Variants in HIPK2 observed in about 807,000 individuals in gnomAD.
HIPK2 encodes the protein homeodomain interacting protein kinase 2, also known as homeodomain-interacting protein kinase 2.
Under a neutral mutation model 113.7 loss-of-function variants are expected in HIPK2, and 27 were observed. That is an observed-to-expected ratio of 0.24 (90% CI 0.17 to 0.33). HIPK2 has a LOEUF of 0.33. Ranked by LOEUF, HIPK2 falls within the 10% of genes least tolerant of loss-of-function variation. HIPK2 has a pLI of 1.00. For synonymous variants in HIPK2, 631 were observed against 642.2 expected (o/e 0.98, Z 0.26); for missense variants, 1,257 against 1,588.0 (o/e 0.79, Z 3.54).
chr7:139,576,061 C>T (rs1569442182), intron 13 of HIPK2, among the ~76,000 whole-genome samples: 1 of 152,244 alleles, frequency 6.6e-6, no homozygotes, highest in Non-Finnish European at 1.5e-5. Context: ...TTGGTCCCCA[C>T]CATGGGTGAC....
Position 139,683,805 on chromosome 7 carries a change from TACTC to T in HIPK2, c.1103+32123_1103+32126del, listed in dbSNP as rs1259575598. On this transcript the variant is annotated intron_variant, in intron 2 of 14. Coordinates refer to ENST00000406875, the MANE Select transcript of HIPK2 (RefSeq NM_022740.5). The surrounding 1 kb of genome is among the most constrained non-coding windows in gnomAD (Gnocchi z 4.2). ...CTGTATTACACCAACAGTTAGGTCT[TACTC>T]ACTCTCCTGTGGTTTTGAAGGGCTA... 3.3e-5 allele frequency among the ~76,000 whole-genome samples: 5 copies of T among 152,192 alleles called. No homozygotes were observed. Among genetic ancestry groups the T allele is most frequent in the African/African-American group, 7.2e-5 (3 of 41,442 alleles).
At chr7:139,688,818 G>A (rs182228401) in intron 2 of HIPK2, among the ~76,000 whole-genome samples, 12 of 152,130 alleles carry the variant, frequency 7.9e-5, no homozygotes, top group African/African-American at 1.4e-4. Flanking sequence ...ATTATAAGAC[G>A]GATTCTGCCT....
chr7:139,626,822 C>G (rs1348223312), intron 5 of HIPK2, 37 bp from the exon 6 acceptor site: 1 of 1,609,682 alleles, frequency 6.2e-7, no homozygotes, highest in African/African-American at 1.3e-5. Flanking sequence ...AAGGAAGACC[C>G]CAGCGTGCCT....
chr7:139,738,931 G>T (rs527767587), intron 1 of HIPK2, among the ~76,000 whole-genome samples: 2 of 152,224 alleles, frequency 1.3e-5, no homozygotes, highest in South Asian at 4.1e-4. Context: ...TGAATATTGT[G>T]GAGGCCACAG....
At position 139,716,655 on chromosome 7, in the gene HIPK2, T is replaced by C; in HGVS notation, c.380A>G (p.Gln127Arg). Reference sequence around the variant, plus strand: ...GCTCTTACGCTTGAGTCCACATTTTTGGTAGGTATCAAGGAGGCTCACAGT... The same window carrying C: ...GCTCTTACGCTTGAGTCCACATTTTCGGTAGGTATCAAGGAGGCTCACAGT... ...RSTVSLLDTY[Q>R]KCGLKRKSEE... Residue 127 changes from glutamine (Q) to arginine (R), a missense_variant, in exon 2 of 15, where the codon CAA (glutamine) becomes CGA (arginine). Transcript: ENST00000406875. The surrounding 1 kb of genome is among the most constrained non-coding windows in gnomAD (Gnocchi z 9.3). 6.2e-7 allele frequency: 1 copy of C among 1,613,968 alleles called. No individual in the cohort carries two copies. The highest frequency in any genetic ancestry group is 8.5e-7 in the Non-Finnish European group (1 of 1,179,884).
intron 1 of HIPK2, among the ~76,000 whole-genome samples, chr7:139,723,824 G>A (rs953098766): frequency 5.3e-5 from 8 of 152,186 alleles, no homozygotes; most frequent in African/African-American, 1.7e-4. Context: ...TTATCGGTAT[G>A]TAATATTTAA....
chr7:139,770,189 T>C (rs1796625024), intron 1 of HIPK2, among the ~76,000 whole-genome samples: 1 of 152,222 alleles, frequency 6.6e-6, no homozygotes, highest in South Asian at 2.1e-4. Flanking sequence ...CCTATAAATC[T>C]TTCATTAGAT....
At position 139,613,036 on chromosome 7, in the gene HIPK2, G is replaced by A; in HGVS notation, c.2112+166C>T. On this transcript the variant is annotated intron_variant, in intron 9 of 14. Coordinates refer to ENST00000406875, the MANE Select transcript of HIPK2 (RefSeq NM_022740.5). The surrounding 1 kb of genome is among the most constrained non-coding windows in gnomAD (Gnocchi z 4.2). ...CTTGGAATTGTAAGCAGATACTTAG[G>A]AAGGTAATTCACTTGGGGACCATTT... 1 of 318,864 alleles carries A rather than the reference G, an allele frequency of 3.1e-6. No homozygotes were observed. The highest frequency in any genetic ancestry group is 4.5e-6 in the Non-Finnish European group (1 of 220,680). The allele number at this position is 318,864 out of a possible 1,614,324, so 19.8% of individuals were successfully genotyped here. A position where few individuals can be genotyped will look rare whatever the true frequency, so the allele number is the denominator to read the frequency against.
chr7:139,769,604 T>C (rs1796614554), intron 1 of HIPK2, among the ~76,000 whole-genome samples: 1 of 152,250 alleles, frequency 6.6e-6, no homozygotes, highest in Admixed American at 6.5e-5. Context: ...CTTATTCACC[T>C]TGTTAAGCCA....
At chr7:139,639,441 G>A (rs1041942049) in intron 2 of HIPK2, among the ~76,000 whole-genome samples, 1 of 152,190 alleles carries the variant, frequency 6.6e-6, no homozygotes, top group Admixed American at 6.5e-5. Flanking sequence ...GCCAGGTACT[G>A]TGCTGGGTGC....
intron 1 of HIPK2, among the ~76,000 whole-genome samples, chr7:139,728,829 T>C (rs892599295): frequency 3.3e-5 from 5 of 152,214 alleles, no homozygotes; most frequent in African/African-American, 9.6e-5. Context: ...ACATTTCACT[T>C]TGTGCTTTCT....
chr7:139,661,461 A>G (rs1801865500), intron 2 of HIPK2, among the ~76,000 whole-genome samples: 2 of 152,208 alleles, frequency 1.3e-5, no homozygotes. Context: ...ACTTGAAGAC[A>G]GTGGTCATGA....
At chr7:139,585,239 C>A (rs1218944535) in intron 12 of HIPK2, among the ~76,000 whole-genome samples, 1 of 152,194 alleles carries the variant, frequency 6.6e-6, no homozygotes, top group Non-Finnish European at 1.5e-5. Context: ...GGCCACACAG[C>A]CAGGCCAGGC....
At chr7:139,623,125 G>A (rs1461362020) in intron 6 of HIPK2, among the ~76,000 whole-genome samples, 1 of 152,112 alleles carries the variant, frequency 6.6e-6, no homozygotes, top group Non-Finnish European at 1.5e-5. Context: ...GAAATCATGG[G>A]AGCCCTATCC....
chr7:139,596,668 G>A, intron 12 of HIPK2, 49 bp downstream of exon 12: 1 of 1,589,188 alleles, frequency 6.3e-7, no homozygotes, highest in Non-Finnish European at 8.6e-7. Context: ...TGCACACAAT[G>A]CAAACCCTCC....
intron 2 of HIPK2, among the ~76,000 whole-genome samples, chr7:139,702,093 G>A (rs1394679174): frequency 6.6e-6 from 1 of 152,216 alleles, no homozygotes; most frequent in East Asian, 1.9e-4. Context: ...GAGCAAGGAA[G>A]GGCAGTCCCT....
At chr7:139,643,406 ACAC>A (rs1006104475) in intron 2 of HIPK2, among the ~76,000 whole-genome samples, 9 of 151,964 alleles carry the variant, frequency 5.9e-5, no homozygotes, top group East Asian at 1.9e-4. Flanking sequence ...ACACACACAC[ACAC>A]ATTTTCACAC....
At chr7:139,718,256 T>A (rs901271622) in intron 1 of HIPK2, among the ~76,000 whole-genome samples, 1 of 152,228 alleles carries the variant, frequency 6.6e-6, no homozygotes, top group Admixed American at 6.5e-5. Flanking sequence ...TAAGCCACTA[T>A]CAACAAACAT....
intron 12 of HIPK2, among the ~76,000 whole-genome samples, chr7:139,586,932 G>A (rs1232128660): frequency 6.6e-6 from 1 of 152,250 alleles, no homozygotes; most frequent in East Asian, 1.9e-4. Flanking sequence ...AGAGGTTGGG[G>A]GCTAGGGGAG....
Sources: gnomAD v4.1 joint callset for allele counts (sites outside exome capture counted in the v4.1 genomes callset) on GRCh38, gnomAD v4.1.1 for gene constraint, Gnocchi (gnomAD v3.1) non-coding constraint, MANE v1.5 for transcripts, NCBI Gene and HGNC (gene_info 2026-07-23, HGNC 2026-07-21) for gene names.